The following AP3B1 variants were observed in gnomAD, a reference collection of about 807,000 sequenced individuals.
AP3B1 encodes AP-3 complex subunit beta-1.
In AP3B1, 61 loss-of-function variants were observed where a neutral mutation model predicts 132.5. The ratio of observed to expected loss-of-function variants is 0.46; its 90% confidence interval spans 0.37 to 0.57. AP3B1 has a LOEUF of 0.57. Ranked by LOEUF, AP3B1 falls within the 20% of genes least tolerant of loss-of-function variation. The pLI, the probability that AP3B1 is intolerant of heterozygous loss-of-function variation, is 0.00. For synonymous variants in AP3B1, 388 were observed against 438.3 expected (o/e 0.89, Z 1.43); for missense variants, 1,120 against 1,289.4 (o/e 0.87, Z 2.01).
chr5:78,105,464 A>G (rs1407258239), intron 20 of AP3B1, among the ~76,000 whole-genome samples: 1 of 152,184 alleles, frequency 6.6e-6, no homozygotes, highest in Non-Finnish European at 1.5e-5. Context: ...TATATTGGTC[A>G]AAAACAGGAT....
chr5:78,268,004 G>C (rs1748397428), intron 1 of AP3B1, among the ~76,000 whole-genome samples: 1 of 152,004 alleles, frequency 6.6e-6, no homozygotes, highest in African/African-American at 2.4e-5. Flanking sequence ...TTTCCAAACA[G>C]CTCATAAAAT....
intron 24 of AP3B1, among the ~76,000 whole-genome samples, chr5:78,027,952 C>A (rs1483423818): frequency 1.3e-5 from 2 of 151,974 alleles, no homozygotes; most frequent in Non-Finnish European, 2.9e-5. Context: ...ATGGTGAAAC[C>A]CCATCTCCAC....
At chr5:78,292,115 A>G (rs1392639092) in intron 1 of AP3B1, among the ~76,000 whole-genome samples, 2 of 152,180 alleles carry the variant, frequency 1.3e-5, no homozygotes. Context: ...TGTAAACTTG[A>G]AACTATTTCA....
intron 7 of AP3B1, among the ~76,000 whole-genome samples, chr5:78,194,153 T>A (rs192372511): frequency 1.2e-3 from 178 of 152,280 alleles, no homozygotes; most frequent in African/African-American, 3.9e-3. Context: ...AAACCCCTTA[T>A]GTAGCTAGCA....
At chr5:78,244,104 G>T (rs1025927250) in intron 2 of AP3B1, among the ~76,000 whole-genome samples, 1 of 152,172 alleles carries the variant, frequency 6.6e-6, no homozygotes, top group Non-Finnish European at 1.5e-5. Flanking sequence ...ATATAAGAAA[G>T]AAGGGACATG....
chr5:78,067,440 C>T (rs1011623271), intron 22 of AP3B1, among the ~76,000 whole-genome samples: 1 of 152,166 alleles, frequency 6.6e-6, no homozygotes, highest in Non-Finnish European at 1.5e-5. Context: ...ATCTACAGAA[C>T]TCTCCACCCC....
intron 2 of AP3B1, among the ~76,000 whole-genome samples, chr5:78,261,734 G>C (rs1335975619): frequency 6.7e-6 from 1 of 149,846 alleles, no homozygotes; most frequent in African/African-American, 2.5e-5. Context: ...CCAAAGTGCT[G>C]GGATTACAGG....
At chr5:78,186,540 T>A (rs1744614281) in intron 7 of AP3B1, among the ~76,000 whole-genome samples, 1 of 152,200 alleles carries the variant, frequency 6.6e-6, no homozygotes, top group Admixed American at 6.5e-5. Flanking sequence ...GTCAATATCC[T>A]GGTTGTAATA....
intron 2 of AP3B1, among the ~76,000 whole-genome samples, chr5:78,260,769 G>A (rs577557149): frequency 2.6e-5 from 4 of 152,160 alleles, no homozygotes; most frequent in East Asian, 3.9e-4. Context: ...CCAATTTCTC[G>A]CTTTCCCCCT....
chr5:78,263,259 T>C (rs1308294642), intron 2 of AP3B1, among the ~76,000 whole-genome samples: 1 of 152,198 alleles, frequency 6.6e-6, no homozygotes. Flanking sequence ...TTTATTCTTT[T>C]TGATGCTATT....
chr5:78,250,568 A>G (rs1319097317), intron 2 of AP3B1, among the ~76,000 whole-genome samples: 1 of 152,206 alleles, frequency 6.6e-6, no homozygotes, highest in Non-Finnish European at 1.5e-5. Flanking sequence ...GGAAAAATAA[A>G]GATAAATAAC....
chr5:78,158,217 G>A (rs1196294014), intron 13 of AP3B1, among the ~76,000 whole-genome samples: 8 of 152,162 alleles, frequency 5.3e-5, no homozygotes, highest in African/African-American at 1.7e-4. Context: ...CAGCACTTTC[G>A]GAGGCCGAGG....
At chr5:78,272,650 A>C (rs979585103) in intron 1 of AP3B1, among the ~76,000 whole-genome samples, 1 of 152,236 alleles carries the variant, frequency 6.6e-6, no homozygotes, top group African/African-American at 2.4e-5. Flanking sequence ...GGGGAAAAAA[A>C]CAGAGGAAAA....
intron 17 of AP3B1, chr5:78,122,007 T>C (rs548481705): frequency 3.0e-4 from 45 of 152,272 alleles, no homozygotes; most frequent in Non-Finnish European, 4.9e-4. Context: ...CATGATCAAG[T>C]GGGCTTCATC....
intron 22 of AP3B1, among the ~76,000 whole-genome samples, chr5:78,062,930 A>G (rs1335606606): frequency 6.6e-6 from 1 of 152,148 alleles, no homozygotes; most frequent in African/African-American, 2.4e-5. Context: ...CAATGTGATG[A>G]GGTCAAATGC....
intron 1 of AP3B1, among the ~76,000 whole-genome samples, chr5:78,272,496 A>T (rs1748587361): frequency 6.6e-6 from 1 of 152,166 alleles, no homozygotes; most frequent in East Asian, 1.9e-4. Context: ...CTCTATTCTC[A>T]TCTGGTTCTC....
chr5:78,117,461 C>A (rs1188476973), intron 17 of AP3B1, among the ~76,000 whole-genome samples: 1 of 151,902 alleles, frequency 6.6e-6, no homozygotes, highest in Non-Finnish European at 1.5e-5. Context: ...AGGCACCCAC[C>A]ACCACGCCCA....
chr5:78,076,954 T>C (rs528430868), intron 22 of AP3B1, among the ~76,000 whole-genome samples: 2 of 152,288 alleles, frequency 1.3e-5, no homozygotes, highest in Non-Finnish European at 2.9e-5. Flanking sequence ...GCACAGTGCT[T>C]TTCTGAGTTC....
At chr5:78,040,329 A>G (rs1022021594) in intron 22 of AP3B1, among the ~76,000 whole-genome samples, 1 of 152,162 alleles carries the variant, frequency 6.6e-6, no homozygotes, top group African/African-American at 2.4e-5. Flanking sequence ...TAAATGCAAA[A>G]ATTCTAATTA....
Sources: allele counts gnomAD v4.1 joint callset (sites outside exome capture counted in the v4.1 genomes callset), GRCh38; gene constraint gnomAD v4.1.1; transcripts MANE v1.5; gene names NCBI Gene and HGNC (gene_info 2026-07-23, HGNC 2026-07-21).